Variants in DENND2B observed in about 807,000 individuals in gnomAD.
DENND2B encodes the protein DENN domain containing 2B.
In DENND2B, 32 loss-of-function variants were observed where a neutral mutation model predicts 116.0. The observed-to-expected ratio is 0.28, with a 90% CI of 0.21 to 0.37. The LOEUF is 0.37. DENND2B is among the 10% of genes least tolerant of loss of function. The pLI, the probability that DENND2B is intolerant of heterozygous loss-of-function variation, is 1.00. For synonymous variants in DENND2B, 588 were observed against 583.9 expected (o/e 1.01, Z -0.10); for missense variants, 1,276 against 1,477.7 (o/e 0.86, Z 2.24).
intron 3 of DENND2B, among the ~76,000 whole-genome samples, chr11:8,728,241 G>T (rs905164999): frequency 2.0e-5 from 3 of 152,072 alleles, no homozygotes; most frequent in Non-Finnish European, 4.4e-5. Context: ...GGTCTTAAAT[G>T]ATCCTCCCAC....
intron 3 of DENND2B, among the ~76,000 whole-genome samples, chr11:8,839,996 G>T (rs7119939): frequency 0.33 from 50,388 of 151,826 alleles, 10,145 homozygotes; most frequent in Non-Finnish European, 0.44. Flanking sequence ...GGGGAGTTTT[G>T]GGGTTTTTTT....
At chr11:8,753,785 G>T (rs2053026927) in intron 1 of DENND2B, among the ~76,000 whole-genome samples, 1 of 152,138 alleles carries the variant, frequency 6.6e-6, no homozygotes, top group Non-Finnish European at 1.5e-5. Flanking sequence ...CAATAAGGAT[G>T]CCAAGACAAT....
At chr11:8,883,714 A>G (rs911763007) in intron 1 of DENND2B, among the ~76,000 whole-genome samples, 1 of 152,244 alleles carries the variant, frequency 6.6e-6, no homozygotes, top group Non-Finnish European at 1.5e-5. Flanking sequence ...ATACAATTTT[A>G]TACCACATTT....
At chr11:8,713,554 A>G (rs2044163747) in intron 8 of DENND2B, among the ~76,000 whole-genome samples, 1 of 152,046 alleles carries the variant, frequency 6.6e-6, no homozygotes, top group South Asian at 2.1e-4. Context: ...TAATTTTTGT[A>G]TTATTTTAGT....
chr11:8,862,793 C>A (rs1375375625), intron 2 of DENND2B, among the ~76,000 whole-genome samples: 2 of 150,520 alleles, frequency 1.3e-5, no homozygotes, highest in East Asian at 3.9e-4. Context: ...GTGGCTTCAA[C>A]CAAGTCTGAG....
intron 2 of DENND2B, among the ~76,000 whole-genome samples, chr11:8,879,995 A>T (rs1440481007): frequency 6.6e-6 from 1 of 152,210 alleles, no homozygotes; most frequent in Non-Finnish European, 1.5e-5. Context: ...TACTTTGAAC[A>T]TTTAGGTACC....
At chr11:8,886,089 C>T (rs1351895110) in intron 1 of DENND2B, among the ~76,000 whole-genome samples, 1 of 152,006 alleles carries the variant, frequency 6.6e-6, no homozygotes, top group Non-Finnish European at 1.5e-5. Context: ...TACAGGTCCA[C>T]ATCAGGCTAA....
intron 3 of DENND2B, chr11:8,839,446 T>C (rs2062549117): frequency 6.6e-6 from 1 of 152,108 alleles, no homozygotes; most frequent in Non-Finnish European, 1.5e-5. Context: ...ATCCCTTAAT[T>C]GTATTAGAGG....
chr11:8,856,745 C>T (rs1021210146), intron 3 of DENND2B, among the ~76,000 whole-genome samples: 5 of 144,792 alleles, frequency 3.5e-5, no homozygotes, highest in African/African-American at 1.3e-4. Flanking sequence ...CACTCTATCA[C>T]TATTTTCTTT....
At chr11:8,695,664 TG>T in intron 18 of DENND2B, 115 bp from the exon 19 acceptor site, 1 of 866,496 alleles carries the variant, frequency 1.2e-6, no homozygotes, top group Non-Finnish European at 1.8e-6. Context: ...AGAAAACATC[TG>T]GGATGATAAT....
chr11:8,735,536 C>T (rs1402924008), intron 2 of DENND2B, among the ~76,000 whole-genome samples: 1 of 152,268 alleles, frequency 6.6e-6, no homozygotes, highest in East Asian at 1.9e-4. Context: ...GCCTGCGTAT[C>T]ATTGGCCCAT....
chr11:8,802,531 G>T (rs1236582032), intron 1 of DENND2B, among the ~76,000 whole-genome samples: 1 of 152,088 alleles, frequency 6.6e-6, no homozygotes, highest in Non-Finnish European at 1.5e-5. Context: ...GAGCTATTAG[G>T]TGGCAGAGGC....
intron 16 of DENND2B, 144 bp from the exon 17 acceptor site, chr11:8,697,780 A>G: frequency 1.5e-6 from 1 of 652,724 alleles, no homozygotes; most frequent in Non-Finnish European, 2.8e-6. Context: ...TCATTTTAAG[A>G]TGAGGAACTG....
intron 2 of DENND2B, among the ~76,000 whole-genome samples, chr11:8,736,594 C>T (rs1385842552): frequency 6.6e-6 from 1 of 152,108 alleles, no homozygotes; most frequent in Non-Finnish European, 1.5e-5. Flanking sequence ...TCAGGGAAGC[C>T]CCTCTTGCCA....
chr11:8,769,961 T>C (rs1020566600), intron 1 of DENND2B, among the ~76,000 whole-genome samples: 25 of 152,032 alleles, frequency 1.6e-4, no homozygotes, highest in African/African-American at 6.0e-4. Context: ...TGAGGCTCCA[T>C]CTCTACAAAA....
chr11:8,878,373 C>T (rs2063866529), intron 2 of DENND2B, among the ~76,000 whole-genome samples: 1 of 151,972 alleles, frequency 6.6e-6, no homozygotes, highest in Non-Finnish European at 1.5e-5. Flanking sequence ...TAATCATGTC[C>T]ATCAACAATT....
intron 5 of DENND2B, 144 bp from the exon 6 acceptor site, chr11:8,715,962 A>C: frequency 1.4e-6 from 1 of 713,864 alleles, no homozygotes. Flanking sequence ...TCCCTCTCTT[A>C]AGACTTTAGC....
At chr11:8,834,178 T>A (rs1440136860) in intron 4 of DENND2B, among the ~76,000 whole-genome samples, 1 of 152,178 alleles carries the variant, frequency 6.6e-6, no homozygotes, top group Non-Finnish European at 1.5e-5. Flanking sequence ...AAATTTTCAG[T>A]CACCTGGAAC....
intron 4 of DENND2B, among the ~76,000 whole-genome samples, chr11:8,815,839 C>T (rs2061552163): frequency 6.6e-6 from 1 of 152,108 alleles, no homozygotes; most frequent in African/African-American, 2.4e-5. Flanking sequence ...GTGAGATAAA[C>T]GAATCATTGA....
Sources: gnomAD v4.1 joint callset for allele counts (sites outside exome capture counted in the v4.1 genomes callset) on GRCh38, gnomAD v4.1.1 for gene constraint, MANE v1.5 for transcripts, NCBI Gene and HGNC (gene_info 2026-07-23, HGNC 2026-07-21) for gene names.